NRXN1: variants seen among roughly 807,000 people sequenced by gnomAD.
NRXN1 encodes the protein neurexin-1.
Under a neutral mutation model 150.9 loss-of-function variants are expected in NRXN1, and 39 were observed. That is an observed-to-expected ratio of 0.26 (90% confidence interval 0.20 to 0.34). NRXN1 has a LOEUF of 0.34. NRXN1 is among the 10% of genes least tolerant of loss of function. The pLI, the probability that NRXN1 is intolerant of heterozygous loss-of-function variation, is 1.00. For synonymous variants in NRXN1, 924 were observed against 757.0 expected, an observed-to-expected ratio of 1.22 and a Z score of -3.62; for missense variants, 1,815 against 1,949.9, an observed-to-expected ratio of 0.93 and a Z score of 1.30.
chr2:50,966,364 A>G (rs977230180), intron 2 of NRXN1, among the ~76,000 whole-genome samples: 5 of 151,548 alleles, frequency 3.3e-5, no homozygotes, highest in Non-Finnish European at 7.4e-5. Flanking sequence ...AAACTCTAAT[A>G]ACATCTACAA....
At chr2:50,343,506 T>A (rs2077705661) in intron 17 of NRXN1, among the ~76,000 whole-genome samples, 1 of 152,192 alleles carries the variant, frequency 6.6e-6, no homozygotes, top group Non-Finnish European at 1.5e-5. Flanking sequence ...GTTTCACCAT[T>A]TATGTTTTTG....
chr2:50,443,142 G>A (rs1197258541), intron 17 of NRXN1, among the ~76,000 whole-genome samples: 1 of 152,056 alleles, frequency 6.6e-6, no homozygotes, highest in East Asian at 1.9e-4. Flanking sequence ...TTAAGGTTAG[G>A]TCAAGAGAAG....
At chr2:50,502,556 G>A (rs972227066) in intron 13 of NRXN1, among the ~76,000 whole-genome samples, 4 of 152,020 alleles carry the variant, frequency 2.6e-5, no homozygotes, top group Admixed American at 6.6e-5. Flanking sequence ...GAAGTGGTAC[G>A]GGAAAAGCAA....
At chr2:50,982,700 A>C (rs1290465980) in intron 2 of NRXN1, among the ~76,000 whole-genome samples, 1 of 152,230 alleles carries the variant, frequency 6.6e-6, no homozygotes, top group South Asian at 2.1e-4. Context: ...TGTTGACTAC[A>C]AAGATGTTGA....
chr2:49,996,535 A>C (rs1397635759), intron 21 of NRXN1, among the ~76,000 whole-genome samples: 2 of 152,206 alleles, frequency 1.3e-5, no homozygotes, highest in East Asian at 1.9e-4. Context: ...CTTGAGTTGG[A>C]GATATTATCC....
intron 17 of NRXN1, among the ~76,000 whole-genome samples, chr2:50,433,194 G>T (rs2085125837): frequency 6.6e-6 from 1 of 152,126 alleles, no homozygotes; most frequent in South Asian, 2.1e-4. Flanking sequence ...TAGCCACTGA[G>T]TTAGTCAATC....
At chr2:50,495,153 A>T (rs2091493883) in intron 15 of NRXN1, among the ~76,000 whole-genome samples, 1 of 152,142 alleles carries the variant, frequency 6.6e-6, no homozygotes, top group Admixed American at 6.6e-5. Context: ...TTGTAGTGTT[A>T]AATTAGATGG....
intron 5 of NRXN1, among the ~76,000 whole-genome samples, chr2:50,659,443 A>G (rs1686969338): frequency 6.6e-6 from 1 of 151,578 alleles, no homozygotes; most frequent in South Asian, 2.1e-4. Flanking sequence ...AGAAGCTTCA[A>G]TATCACTTTT....
At position 50,066,174 on chromosome 2, in the gene NRXN1, C is replaced by T. The variant is rs925021024; in HGVS notation, c.3719-11130G>A. On this transcript the variant is annotated intron_variant, in intron 19 of 22. Transcript: ENST00000401669. ...CTCGGCTAGATGTTAGAAAAGCAAT[C>T]GGACTCAATAAAGTCAATATATAAG... Among the ~76,000 whole-genome samples, 3 of 152,104 alleles carry T rather than the reference C, an allele frequency of 2.0e-5. 1 individual carries two copies. Among genetic ancestry groups the T allele is most frequent in the African/African-American group, 7.2e-5 (3 of 41,406 alleles).
rs183310639 is a variant in NRXN1 at position 50,563,988 on chromosome 2, T to C, written c.1321-10963A>G. ...TTAGCAACTGCAATGAGAACATTTT[T>C]CCAAGTAGACTTGTTCCTGAGAAGT... On this transcript the variant is annotated intron_variant, in intron 8 of 22. Coordinates refer to ENST00000401669, the MANE Select transcript of NRXN1 (RefSeq NM_001330078.2). Among the ~76,000 whole-genome samples, 407 of 152,338 alleles carry C rather than the reference T, an allele frequency of 2.7e-3. 3 individuals are homozygous for C. The highest frequency in any genetic ancestry group is 9.3e-3 in the African/African-American group (387 of 41,588).
chr2:50,540,205 C>A (rs988137792), intron 9 of NRXN1, among the ~76,000 whole-genome samples: 3 of 152,128 alleles, frequency 2.0e-5, no homozygotes, highest in African/African-American at 7.2e-5. Context: ...GCTATTTTGG[C>A]CTTCCAATGA....
chr2:50,607,442 T>C (rs1677318616), intron 8 of NRXN1, among the ~76,000 whole-genome samples: 1 of 152,158 alleles, frequency 6.6e-6, no homozygotes, highest in South Asian at 2.1e-4. Context: ...AAATGGTTGC[T>C]TAAGACTGCA....
intron 8 of NRXN1, among the ~76,000 whole-genome samples, chr2:50,612,318 A>G (rs1315874812): frequency 6.6e-6 from 1 of 152,234 alleles, no homozygotes; most frequent in African/African-American, 2.4e-5. Flanking sequence ...TATAATAATC[A>G]TAATGTATTC....
chr2:50,653,605 G>A (rs1685954341), intron 5 of NRXN1, among the ~76,000 whole-genome samples: 1 of 151,716 alleles, frequency 6.6e-6, no homozygotes, highest in African/African-American at 2.4e-5. Context: ...ATTTCTACTT[G>A]GAAAAAAGGC....
At chr2:50,647,247 T>C (rs1684961196) in intron 5 of NRXN1, among the ~76,000 whole-genome samples, 1 of 151,922 alleles carries the variant, frequency 6.6e-6, no homozygotes, top group Non-Finnish European at 1.5e-5. Flanking sequence ...AATTATTTTA[T>C]ATCCACTTTT....
intron 22 of NRXN1, among the ~76,000 whole-genome samples, chr2:49,935,148 A>G (rs1024595852): frequency 6.6e-6 from 1 of 152,192 alleles, no homozygotes; most frequent in South Asian, 2.1e-4. Context: ...CTTTAGATGC[A>G]TTGTCTCATT....
intron 18 of NRXN1, among the ~76,000 whole-genome samples, chr2:50,187,519 G>A: frequency 6.6e-6 from 1 of 152,074 alleles, no homozygotes; most frequent in East Asian, 1.9e-4. Flanking sequence ...AAATCAGGTA[G>A]CATGATGCCT....
intron 18 of NRXN1, among the ~76,000 whole-genome samples, chr2:50,109,486 T>C (rs545819740): frequency 6.6e-6 from 1 of 152,282 alleles, no homozygotes; most frequent in South Asian, 2.1e-4. Flanking sequence ...GACTTTAAAA[T>C]AGCATACTCT....
chr2:50,287,738 G>A (rs913530653), intron 17 of NRXN1, among the ~76,000 whole-genome samples: 5 of 152,084 alleles, frequency 3.3e-5, no homozygotes, highest in Non-Finnish European at 5.9e-5. Context: ...ATTTTAAACA[G>A]ATGAAAATAA....
Sources: gnomAD v4.1 joint callset for allele counts (sites outside exome capture counted in the v4.1 genomes callset) on GRCh38, gnomAD v4.1.1 for gene constraint, MANE v1.5 for transcripts, NCBI Gene and HGNC (gene_info 2026-07-23, HGNC 2026-07-21) for gene names.